ONECUT2: variants seen among roughly 807,000 people sequenced by gnomAD.
ONECUT2 encodes the protein one cut domain family member 2.
Under a neutral mutation model 27.9 loss-of-function variants are expected in ONECUT2, and 10 were observed. The observed-to-expected ratio is 0.36, with a 90% CI of 0.22 to 0.61. The LOEUF is 0.61. Among genes scored for constraint, ONECUT2 ranks in the 20% least tolerant of loss-of-function variants. The pLI is 0.73. For missense variants in ONECUT2, 686 were observed against 721.0 expected (o/e 0.95, Z 0.56); for synonymous variants, 334 against 315.1 (o/e 1.06, Z -0.64).
chr18:57,459,522 C>T (rs1160524911), intron 1 of ONECUT2, among the ~76,000 whole-genome samples: 1 of 152,016 alleles, frequency 6.6e-6, no homozygotes, highest in African/African-American at 2.4e-5. Context: ...CTTAATAAGG[C>T]TTCTTTTAAC....
At chr18:57,438,761 C>T (rs922943556) in intron 1 of ONECUT2, among the ~76,000 whole-genome samples, 1 of 152,204 alleles carries the variant, frequency 6.6e-6, no homozygotes, top group Non-Finnish European at 1.5e-5. Context: ...TAATCTTTCT[C>T]CTTTAGTTTA....
At chr18:57,446,768 A>C (rs1302316817) in intron 1 of ONECUT2, among the ~76,000 whole-genome samples, 1 of 152,170 alleles carries the variant, frequency 6.6e-6, no homozygotes, top group Non-Finnish European at 1.5e-5. Flanking sequence ...TTCTGCTGTC[A>C]TAGGTGAGGT....
Position 57,436,553 on chromosome 18 carries a change from C to A in ONECUT2, c.837C>A (p.Arg279=), listed in dbSNP as rs1186043879. 1 of 1,611,862 alleles carries A rather than the reference C, an allele frequency of 6.2e-7. No individual in the cohort carries two copies. Among genetic ancestry groups the A allele is most frequent in the Non-Finnish European group, 8.5e-7 (1 of 1,179,898 alleles). The change falls in exon 1 of 2, where the codon CGC becomes CGA. Residue 279 remains arginine (R), a synonymous_variant. Transcript: ENST00000491143. This position sits in a 1 kb window ranked among gnomAD's most constrained non-coding sequence, Gnocchi z 5.9. ...MLTRGEQHLS[R]GLGTPPAAMM... is the part of the protein sequence containing the mutation. ...CCCGCGGTGAGCAACACCTGTCCCG[C>A]GGCCTGGGCACCCCACCTGCGGCCA...
rs2050386213 is a variant in ONECUT2 at position 57,476,861 on chromosome 18, AACTTAT to A, written c.*140_*145del. On this transcript the variant is annotated 3_prime_UTR_variant, in exon 2 of 2. Coordinates refer to ENST00000491143, the MANE Select transcript of ONECUT2 (RefSeq NM_004852.3). ...TGAAAGCACAATTCTCTTGCAAAGA[AACTTAT>A]ATTCTAGCTGTAATCATAGGCCAGG... 1.0e-6 allele frequency: 1 copy of A among 982,614 alleles called. No individual in the cohort carries two copies. Among genetic ancestry groups the A allele is most frequent in the Non-Finnish European group, 1.5e-6 (1 of 680,108 alleles). 60.9% of individuals were successfully genotyped at this position (982,614 alleles called of 1,614,324 possible). A position where few individuals can be genotyped will look rare whatever the true frequency, so the allele number is the denominator to read the frequency against.
Position 57,435,512 on chromosome 18 carries a change from C to G in ONECUT2, c.-205C>G, listed in dbSNP as rs1004789040. ...CCTCCCTCCCCGTCCCCTCCCCTCT[C>G]CCGCACGCACGCCCCGTCCGCCCCC... On this transcript the variant is annotated 5_prime_UTR_variant, in exon 1 of 2. Coordinates refer to ENST00000491143, the MANE Select transcript of ONECUT2 (RefSeq NM_004852.3). Among the ~76,000 whole-genome samples, 76 of 142,306 alleles carry G rather than the reference C, an allele frequency of 5.3e-4. No homozygotes were observed. Among genetic ancestry groups the G allele is most frequent in the Non-Finnish European group, 9.6e-4 (62 of 64,540 alleles). The allele number at this position is 142,306 out of a possible 152,430, so 93.4% of individuals were successfully genotyped here. A position where few individuals can be genotyped will look rare whatever the true frequency, so the allele number is the denominator to read the frequency against.
At chr18:57,462,856 C>T (rs1001759117) in intron 1 of ONECUT2, among the ~76,000 whole-genome samples, 7 of 150,940 alleles carry the variant, frequency 4.6e-5, no homozygotes, top group South Asian at 4.2e-4. Flanking sequence ...CTCAGCCTTC[C>T]GAGTAGCTGG....
chr18:57,459,247 A>T (rs1368131960), intron 1 of ONECUT2, among the ~76,000 whole-genome samples: 1 of 152,246 alleles, frequency 6.6e-6, no homozygotes, highest in Non-Finnish European at 1.5e-5. Flanking sequence ...AAAATATTTC[A>T]TGCAATTGGA....
rs1037575614 is a variant in ONECUT2 at position 57,476,760 on chromosome 18, A to G, written c.*37A>G. ...TCACTTGGGCACAAGTCACCTCCAA[A>G]TGAGGACAACAGATACCAAAAGAAA... On this transcript the variant is annotated 3_prime_UTR_variant, in exon 2 of 2. Transcript: ENST00000491143. 4 of 1,605,266 alleles carry G rather than the reference A, an allele frequency of 2.5e-6. No individual in the cohort carries two copies. Among genetic ancestry groups the G allele is most frequent in the Non-Finnish European group, 3.4e-6 (4 of 1,175,268 alleles).
Position 57,484,135 on chromosome 18 carries a change from G to A in ONECUT2, c.*7412G>A, listed in dbSNP as rs1182551633. The A allele has an allele frequency of 1.3e-5, 2 of 152,042 alleles. No individual in the cohort carries two copies. The highest frequency in any genetic ancestry group is 2.9e-5 in the Non-Finnish European group (2 of 67,962). 9.4% of individuals were successfully genotyped at this position (152,042 alleles called of 1,614,324 possible). On this transcript the variant is annotated 3_prime_UTR_variant, in exon 2 of 2. Coordinates refer to ENST00000491143, the MANE Select transcript of ONECUT2 (RefSeq NM_004852.3). ...AAAGAGAGAAACCCTTACACTAGCT[G>A]CTTCCAAGAATGAACTCTGTGTGTA...
At chr18:57,470,280 G>A (rs887220037) in intron 1 of ONECUT2, among the ~76,000 whole-genome samples, 1 of 152,142 alleles carries the variant, frequency 6.6e-6, no homozygotes, top group Non-Finnish European at 1.5e-5. Flanking sequence ...GCGAGGACTG[G>A]AAGATTCTGA....
At chr18:57,467,580 T>C (rs898089178) in intron 1 of ONECUT2, among the ~76,000 whole-genome samples, 1 of 152,108 alleles carries the variant, frequency 6.6e-6, no homozygotes, top group South Asian at 2.1e-4. Context: ...TTATCCAGGA[T>C]AGCCTCGATC....
In ONECUT2 at chr18:57,476,996, A is replaced by G. The variant is rs2050387068; in HGVS notation, c.*273A>G. On this transcript the variant is annotated 3_prime_UTR_variant, in exon 2 of 2. Coordinates refer to ENST00000491143, the MANE Select transcript of ONECUT2 (RefSeq NM_004852.3). ...TCTGAGCATGCTAAGCATCCCAGAAACCCAAATGGGGCCTTCCTGGAGCGA... is the reference window on the plus strand; with the variant it reads ...TCTGAGCATGCTAAGCATCCCAGAAGCCCAAATGGGGCCTTCCTGGAGCGA... The G allele has an allele frequency of 8.9e-6, 4 of 448,696 alleles. No individual in the cohort carries two copies. The highest frequency in any genetic ancestry group is 1.6e-5 in the Non-Finnish European group (4 of 251,858). 27.8% of individuals were successfully genotyped at this position (448,696 alleles called of 1,614,324 possible).
chr18:57,456,730 T>C (rs902466775), intron 1 of ONECUT2, among the ~76,000 whole-genome samples: 3 of 152,228 alleles, frequency 2.0e-5, no homozygotes, highest in East Asian at 1.9e-4. Context: ...GTAAATTTTG[T>C]TGTGTATATT....
Position 57,452,060 on chromosome 18 carries a change from C to CTCT in ONECUT2, c.1228+15116_1228+15117insTCT, listed in dbSNP as rs1266257117. Among the ~76,000 whole-genome samples the CTCT allele has an allele frequency of 2.0e-5, 3 of 152,164 alleles. No homozygotes were observed. The East Asian group carries it at 5.8e-4, about 29-fold the overall frequency. On this transcript the variant is annotated intron_variant, in intron 1 of 1. Coordinates refer to ENST00000491143, the MANE Select transcript of ONECUT2 (RefSeq NM_004852.3). ...AAGCTGCCACTGCTATGGTGATACA[C>CTCT]AGACATCAAGGATGTCCAATAGTAT...
chr18:57,471,396 C>T (rs2050352908), intron 1 of ONECUT2, among the ~76,000 whole-genome samples: 1 of 152,176 alleles, frequency 6.6e-6, no homozygotes, highest in Non-Finnish European at 1.5e-5. Flanking sequence ...GACATTCTCT[C>T]TCTCCAGGTT....
At chr18:57,454,990 C>T (rs2050250890) in intron 1 of ONECUT2, among the ~76,000 whole-genome samples, 1 of 152,120 alleles carries the variant, frequency 6.6e-6, no homozygotes, top group African/African-American at 2.4e-5. Context: ...GCAACTGAGC[C>T]AACAAAACTC....
intron 1 of ONECUT2, among the ~76,000 whole-genome samples, chr18:57,475,953 C>T (rs2050379661): frequency 6.6e-6 from 1 of 152,136 alleles, no homozygotes; most frequent in African/African-American, 2.4e-5. Context: ...TTTAGAGTCA[C>T]ATGGGTAGAA....
intron 1 of ONECUT2, among the ~76,000 whole-genome samples, chr18:57,457,903 G>A (rs1462595668): frequency 2.0e-5 from 3 of 152,080 alleles, no homozygotes; most frequent in Non-Finnish European, 2.9e-5. Flanking sequence ...GCTCTCACTC[G>A]TAGGTGGGAG....
At chr18:57,466,634 A>C (rs2050322777) in intron 1 of ONECUT2, among the ~76,000 whole-genome samples, 1 of 152,220 alleles carries the variant, frequency 6.6e-6, no homozygotes, top group Non-Finnish European at 1.5e-5. Context: ...GAGTGCCCCA[A>C]ACTATTTATT....
Sources: gnomAD v4.1 joint callset for allele counts (sites outside exome capture counted in the v4.1 genomes callset) on GRCh38, gnomAD v4.1.1 for gene constraint, Gnocchi (gnomAD v3.1) non-coding constraint, MANE v1.5 for transcripts, NCBI Gene and HGNC (gene_info 2026-07-23, HGNC 2026-07-21) for gene names.